Variants in ARFGAP3 observed in about 807,000 individuals in gnomAD.
The protein encoded by ARFGAP3 is ADP-ribosylation factor GTPase-activating protein 3.
Under a neutral mutation model 75.0 loss-of-function variants are expected in ARFGAP3, and 72 were observed. That is an observed-to-expected ratio of 0.96 (90% CI 0.79 to 1.17). ARFGAP3 has a LOEUF of 1.17. Among genes scored for constraint, ARFGAP3 ranks in the 50% most tolerant of loss-of-function variants. The probability of loss-of-function intolerance (pLI) is 0.00; values close to 1 mark genes in which losing one functional copy is unlikely to be tolerated. For missense variants in ARFGAP3, 620 were observed against 626.6 expected (o/e 0.99, Z 0.11); for synonymous variants, 221 against 217.9 (o/e 1.01, Z -0.13).
At position 42,847,324 on chromosome 22, in the gene ARFGAP3, A is replaced by G. The variant is rs1201855485; in HGVS notation, c.188+190T>C. On this transcript the variant is annotated intron_variant, in intron 2 of 15. Transcript: ENST00000263245. ...TAGGACTAGAGTTATACATCATCACACCACAACATTTTTTATTTTTTGTAG... is the reference window on the plus strand; with the variant it reads ...TAGGACTAGAGTTATACATCATCACGCCACAACATTTTTTATTTTTTGTAG... 5.6e-6 allele frequency: 3 copies of G among 534,562 alleles called. No individual in the cohort carries two copies. The African/African-American group carries it at 5.8e-5, about 10-fold the overall frequency. 33.1% of individuals were successfully genotyped at this position (534,562 alleles called of 1,614,324 possible). A position where few individuals can be genotyped will look rare whatever the true frequency, so the allele number is the denominator to read the frequency against.
At chr22:42,814,455 G>C (rs1453263060) in intron 11 of ARFGAP3, among the ~76,000 whole-genome samples, 1 of 152,234 alleles carries the variant, frequency 6.6e-6, no homozygotes, top group African/African-American at 2.4e-5. Flanking sequence ...TCTGGAAAGA[G>C]TCCAGGAGGT....
chr22:42,819,520 A>C (rs1925721666), intron 9 of ARFGAP3, among the ~76,000 whole-genome samples: 1 of 152,174 alleles, frequency 6.6e-6, no homozygotes, highest in Non-Finnish European at 1.5e-5. Flanking sequence ...CGCGTTTCTC[A>C]GAACTTCAGG....
intron 5 of ARFGAP3, 154 bp from the exon 6 acceptor site, chr22:42,831,790 T>C: frequency 1.1e-6 from 1 of 921,680 alleles, no homozygotes; most frequent in African/African-American, 1.8e-5. Flanking sequence ...TCTTGCTTTC[T>C]TTTTTTTTTA....
intron 1 of ARFGAP3, among the ~76,000 whole-genome samples, chr22:42,855,131 A>C (rs926974518): frequency 1.1e-4 from 17 of 152,208 alleles, no homozygotes; most frequent in African/African-American, 3.9e-4. Flanking sequence ...AAAAGGGACA[A>C]AGTGGTCAAG....
chr22:42,823,243 C>T (rs1925890689), intron 8 of ARFGAP3, among the ~76,000 whole-genome samples: 1 of 152,052 alleles, frequency 6.6e-6, no homozygotes, highest in African/African-American at 2.4e-5. Context: ...GGTCACACAG[C>T]CAATACATGG....
chr22:42,856,424 C>A (rs565768738), intron 1 of ARFGAP3, among the ~76,000 whole-genome samples: 70 of 152,326 alleles, frequency 4.6e-4, no homozygotes, highest in African/African-American at 1.5e-3. Context: ...TCACCTTAGC[C>A]CCCTGCGTCA....
chr22:42,836,248 T>C (rs894143017), intron 3 of ARFGAP3, among the ~76,000 whole-genome samples: 1 of 152,122 alleles, frequency 6.6e-6, no homozygotes, highest in Non-Finnish European at 1.5e-5. Context: ...AAGTGCTGGA[T>C]TACAGGCGTG....
chr22:42,832,710 GTGTGGTGGC>G (rs1926349912), intron 5 of ARFGAP3, among the ~76,000 whole-genome samples: 1 of 152,162 alleles, frequency 6.6e-6, no homozygotes, highest in Non-Finnish European at 1.5e-5. Context: ...AGTAGGCCCG[GTGTGGTGGC>G]TCATGCCTAT....
intron 5 of ARFGAP3, among the ~76,000 whole-genome samples, chr22:42,832,229 T>C (rs1602116069): frequency 6.7e-6 from 1 of 149,970 alleles, no homozygotes. Context: ...TAGTTTTAAA[T>C]TGAAAATTAA....
At chr22:42,834,714 G>C (rs1435684641) in intron 4 of ARFGAP3, among the ~76,000 whole-genome samples, 1 of 152,150 alleles carries the variant, frequency 6.6e-6, no homozygotes, top group African/African-American at 2.4e-5. Flanking sequence ...CAGTCATTTG[G>C]AGAATAGTGC....
chr22:42,800,770 T>C (rs768684467), intron 14 of ARFGAP3, among the ~76,000 whole-genome samples: 22 of 152,248 alleles, frequency 1.4e-4, no homozygotes, highest in Middle Eastern at 3.4e-3. Flanking sequence ...GTGCTGTGTC[T>C]CCTCTGAGGG....
At chr22:42,801,304 C>A (rs1924848994) in intron 14 of ARFGAP3, among the ~76,000 whole-genome samples, 1 of 152,190 alleles carries the variant, frequency 6.6e-6, no homozygotes, top group Admixed American at 6.5e-5. Context: ...GCTCCCCTCT[C>A]TGAGACAGAG....
intron 1 of ARFGAP3, among the ~76,000 whole-genome samples, chr22:42,848,444 G>A (rs1339172049): frequency 4.6e-5 from 7 of 152,170 alleles, no homozygotes; most frequent in Non-Finnish European, 8.8e-5. Context: ...TCCTGACCTC[G>A]TGATCCACCC....
rs1602093798 is a variant in ARFGAP3, at chr22:42,807,142, C to T, written c.1342G>A (p.Glu448Lys). Residue 448 changes from glutamate (E) to lysine (K), a missense_variant, in exon 14 of 16, where the codon GAG (glutamate) becomes AAG (lysine). Glu to Lys is a moderately conservative substitution (Grantham distance 56). Coordinates refer to ENST00000263245, the MANE Select transcript of ARFGAP3 (RefSeq NM_014570.5). ...QADYETRARLERLSASSSISS... is the reference protein window; with the variant it reads ...QADYETRARLKRLSASSSISS... Reference sequence around the variant, plus strand: ...ATGGAGGAACTTGCCGACAGCCTCTCTAGGCGGGCCCTGGTCTCATACTAG... The same window carrying T: ...ATGGAGGAACTTGCCGACAGCCTCTTTAGGCGGGCCCTGGTCTCATACTAG... 3 of 1,612,488 alleles carry T rather than the reference C, an allele frequency of 1.9e-6. No homozygotes were observed. The highest frequency in any genetic ancestry group is 8.5e-7 in the Non-Finnish European group (1 of 1,179,312).
chr22:42,829,776 C>T (rs1926204421), intron 6 of ARFGAP3, among the ~76,000 whole-genome samples: 1 of 152,156 alleles, frequency 6.6e-6, no homozygotes, highest in African/African-American at 2.4e-5. Context: ...AGGGCTTCCT[C>T]AATTCAGGAT....
At chr22:42,834,742 C>T (rs1926445733) in intron 4 of ARFGAP3, among the ~76,000 whole-genome samples, 1 of 152,170 alleles carries the variant, frequency 6.6e-6, no homozygotes, top group Non-Finnish European at 1.5e-5. Context: ...AATGAGTTGC[C>T]CAAGAAGCAC....
intron 4 of ARFGAP3, 154 bp from the exon 5 acceptor site, chr22:42,834,479 T>C: frequency 1.1e-6 from 1 of 921,700 alleles, no homozygotes; most frequent in South Asian, 5.0e-5. Flanking sequence ...GACCTCTGCG[T>C]GCACTTTAGT....
intron 2 of ARFGAP3, among the ~76,000 whole-genome samples, chr22:42,844,950 A>G (rs1926947129): frequency 6.6e-6 from 1 of 152,218 alleles, no homozygotes; most frequent in Non-Finnish European, 1.5e-5. Context: ...TGGCCCAAAC[A>G]GATCCTGCTG....
At chr22:42,826,020 ACTTT>A (rs1038828322) in intron 7 of ARFGAP3, among the ~76,000 whole-genome samples, 3 of 152,156 alleles carry the variant, frequency 2.0e-5, no homozygotes, top group African/African-American at 7.2e-5. Flanking sequence ...CCTTTTCATT[ACTTT>A]CTTTCAGATT....
Sources: allele counts gnomAD v4.1 joint callset (sites outside exome capture counted in the v4.1 genomes callset), GRCh38; gene constraint gnomAD v4.1.1; transcripts MANE v1.5; gene names NCBI Gene and HGNC (gene_info 2026-07-23, HGNC 2026-07-21).